The following RANBP2 variants were observed in gnomAD, a reference collection of about 807,000 sequenced individuals.
The protein encoded by RANBP2 is RAN binding protein 2.
In RANBP2, 57 loss-of-function variants were observed where a neutral mutation model predicts 303.6. The ratio of observed to expected loss-of-function variants is 0.19; its 90% CI spans 0.15 to 0.23. The LOEUF (loss-of-function observed/expected upper bound fraction) is 0.23, where lower values mean the gene tolerates loss of function less well. Ranked by LOEUF, RANBP2 falls within the 10% of genes least tolerant of loss-of-function variation. The probability of loss-of-function intolerance (pLI) is 1.00; values close to 1 mark genes in which losing one functional copy is unlikely to be tolerated. For synonymous variants in RANBP2, 1,167 were observed against 1,301.5 expected (o/e 0.90, Z 2.23); for missense variants, 3,138 against 3,780.8 (o/e 0.83, Z 4.46).
chr2:108,982,205 CAG>C, the RANBP2 span, among the ~76,000 whole-genome samples: 1 of 152,220 alleles, frequency 6.6e-6, no homozygotes, highest in African/African-American at 2.4e-5. Flanking sequence ...ACAGCAAATG[CAG>C]TGGCCTCTCT....
At chr2:109,066,049 T>G in the RANBP2 span, among the ~76,000 whole-genome samples, 1 of 152,130 alleles carries the variant, frequency 6.6e-6, no homozygotes, top group Admixed American at 6.5e-5. Flanking sequence ...GCAATTCTCC[T>G]GCCTCGGCCT....
chr2:108,812,630 G>A, the RANBP2 span: 1 of 1,609,812 alleles, frequency 6.2e-7, no homozygotes, highest in Non-Finnish European at 8.5e-7. Context: ...CTACCCTTTA[G>A]TTAAATGAAG....
At chr2:109,202,144 C>A in the RANBP2 span, among the ~76,000 whole-genome samples, 1 of 152,164 alleles carries the variant, frequency 6.6e-6, no homozygotes, top group African/African-American at 2.4e-5. Flanking sequence ...CATATGGACG[C>A]ACTTACAGCT....
At chr2:109,337,900 G>A in the RANBP2 span, among the ~76,000 whole-genome samples, 1 of 151,662 alleles carries the variant, frequency 6.6e-6, no homozygotes, top group Non-Finnish European at 1.5e-5. Flanking sequence ...GCTAATTTTT[G>A]TATTTTTTTT....
chr2:109,705,326 A>G, the RANBP2 span, among the ~76,000 whole-genome samples: 1 of 151,464 alleles, frequency 6.6e-6, no homozygotes, highest in Admixed American at 6.6e-5. Context: ...GAATTGCTTG[A>G]ACCCGGGAAG....
At chr2:109,118,502 G>A in the RANBP2 span, among the ~76,000 whole-genome samples, 37 of 150,810 alleles carry the variant, frequency 2.5e-4, no homozygotes, top group African/African-American at 7.5e-4. Context: ...CTGAGTGTCC[G>A]ACTGCCTACA....
chr2:109,078,094 A>ATATATATATATATATATATAGCG, the RANBP2 span, among the ~76,000 whole-genome samples: 20 of 9,692 alleles, frequency 2.1e-3, 2 homozygotes, highest in African/African-American at 3.6e-3. Context: ...ATATATATAT[A>ATATATATATATATATATATAGCG]TATATATATA....
chr2:109,720,371 TG>T, the RANBP2 span, among the ~76,000 whole-genome samples: 1 of 152,056 alleles, frequency 6.6e-6, no homozygotes, highest in Non-Finnish European at 1.5e-5. Flanking sequence ...AACCTATCAG[TG>T]GTTCTTAATT....
the RANBP2 span, among the ~76,000 whole-genome samples, chr2:108,793,177 G>A: frequency 6.7e-6 from 1 of 150,070 alleles, no homozygotes; most frequent in African/African-American, 2.5e-5. Context: ...CTAACACGGT[G>A]AAACCCTGTC....
At chr2:108,854,302 A>G in the RANBP2 span, among the ~76,000 whole-genome samples, 3 of 151,470 alleles carry the variant, frequency 2.0e-5, 1 homozygote, top group Non-Finnish European at 4.4e-5. Flanking sequence ...GGAAGCCAGT[A>G]TAATGTAGTA....
At chr2:109,186,836 A>G in the RANBP2 span, among the ~76,000 whole-genome samples, 1 of 152,168 alleles carries the variant, frequency 6.6e-6, no homozygotes, top group African/African-American at 2.4e-5. Flanking sequence ...TCACCTCCCC[A>G]GCTATGGGGT....
chr2:109,264,287 C>G, the RANBP2 span, among the ~76,000 whole-genome samples: 1 of 150,984 alleles, frequency 6.6e-6, no homozygotes, highest in African/African-American at 2.4e-5. Flanking sequence ...TGCCCCCATC[C>G]ACCTCCACAG....
the RANBP2 span, among the ~76,000 whole-genome samples, chr2:109,461,620 C>T: frequency 1.4e-4 from 7 of 48,458 alleles, no homozygotes; most frequent in South Asian, 3.9e-3. Flanking sequence ...AAGACCTGCG[C>T]GGTGATCCAC....
the RANBP2 span, among the ~76,000 whole-genome samples, chr2:109,012,519 G>A: frequency 1.3e-5 from 2 of 152,088 alleles, no homozygotes; most frequent in Non-Finnish European, 2.9e-5. Context: ...CTTCTTCAGT[G>A]GCCCCTCCGG....
chr2:109,496,721 C>T, the RANBP2 span, among the ~76,000 whole-genome samples: 1 of 152,128 alleles, frequency 6.6e-6, no homozygotes, highest in Non-Finnish European at 1.5e-5. Context: ...ATAATGGCCC[C>T]CAAAGATGTC....
At chr2:108,899,797 C>A in the RANBP2 span, among the ~76,000 whole-genome samples, 9 of 151,886 alleles carry the variant, frequency 5.9e-5, no homozygotes, top group Admixed American at 5.2e-4. Flanking sequence ...ACTAGCCTGG[C>A]CAACATGGTG....
chr2:108,910,822 G>A, the RANBP2 span: 72 of 1,613,868 alleles, frequency 4.5e-5, no homozygotes, highest in Middle Eastern at 8.3e-4. Flanking sequence ...GGGCCTCCAC[G>A]CTCTTCCCCG....
At chr2:109,615,581 C>T in the RANBP2 span, 2 of 1,614,074 alleles carry the variant, frequency 1.2e-6, no homozygotes, top group South Asian at 1.1e-5. Flanking sequence ...TGGGGGCCTA[C>T]GACGCCGATG....
At chr2:109,665,954 A>C in the RANBP2 span, among the ~76,000 whole-genome samples, 1 of 151,914 alleles carries the variant, frequency 6.6e-6, no homozygotes, top group Non-Finnish European at 1.5e-5. Context: ...TCTACTAAAA[A>C]TACAAAATTA....
Sources: gnomAD v4.1 joint callset for allele counts (sites outside exome capture counted in the v4.1 genomes callset) on GRCh38, gnomAD v4.1.1 for gene constraint, MANE v1.5 for transcripts, NCBI Gene and HGNC (gene_info 2026-07-23, HGNC 2026-07-21) for gene names.